Variants in RAB38 observed in about 807,000 individuals in gnomAD.
RAB38 encodes ras-related protein Rab-38.
In RAB38, 15 loss-of-function variants were observed where a neutral mutation model predicts 18.4. That is an observed-to-expected ratio of 0.82 (90% CI 0.55 to 1.26). The LOEUF is 1.26. Among genes scored for constraint, RAB38 ranks in the 50% most tolerant of loss-of-function variants. The pLI, the probability that RAB38 is intolerant of heterozygous loss-of-function variation, is 0.00. For synonymous variants in RAB38, 101 were observed against 104.4 expected (o/e 0.97, Z 0.20); for missense variants, 294 against 267.4 (o/e 1.10, Z -0.69).
At chr11:88,025,814 C>T in the RAB38 span, among the ~76,000 whole-genome samples, 1 of 152,036 alleles carries the variant, frequency 6.6e-6, no homozygotes, top group Non-Finnish European at 1.5e-5. Context: ...TTTTCCCATT[C>T]TGTAGGCTGT....
At chr11:88,004,189 A>T in the RAB38 span, among the ~76,000 whole-genome samples, 1 of 149,716 alleles carries the variant, frequency 6.7e-6, no homozygotes, top group Non-Finnish European at 1.5e-5. Flanking sequence ...TCCTTCATGA[A>T]TACAGATGAA....
the RAB38 span, among the ~76,000 whole-genome samples, chr11:88,046,068 C>G: frequency 1.3e-5 from 2 of 152,120 alleles, no homozygotes; most frequent in Non-Finnish European, 2.9e-5. Flanking sequence ...ATCTCCCCAC[C>G]TTAACCCACA....
chr11:88,016,027 C>T, the RAB38 span, among the ~76,000 whole-genome samples: 2 of 152,114 alleles, frequency 1.3e-5, no homozygotes, highest in African/African-American at 4.8e-5. Flanking sequence ...TGTGCAATCT[C>T]CATATAGAAA....
chr11:88,071,272 G>T, the RAB38 span, among the ~76,000 whole-genome samples: 7 of 121,934 alleles, frequency 5.7e-5, no homozygotes, highest in Admixed American at 7.9e-5. Context: ...ACACACACAC[G>T]TGTGCAAGCA....
At chr11:87,857,484 T>G in the RAB38 span, among the ~76,000 whole-genome samples, 1 of 152,178 alleles carries the variant, frequency 6.6e-6, no homozygotes, top group African/African-American at 2.4e-5. Flanking sequence ...CCACCAACAG[T>G]GTAAAAGTGT....
the RAB38 span, among the ~76,000 whole-genome samples, chr11:87,852,813 C>T: frequency 6.6e-6 from 1 of 152,170 alleles, no homozygotes; most frequent in African/African-American, 2.4e-5. Context: ...CTTCTCCTGC[C>T]CTCATCTTTT....
At chr11:87,868,796 G>C in the RAB38 span, among the ~76,000 whole-genome samples, 1 of 151,602 alleles carries the variant, frequency 6.6e-6, no homozygotes, top group African/African-American at 2.4e-5. Flanking sequence ...TCTGGCTGGT[G>C]TACCATCCCA....
chr11:88,052,926 A>AAAT, the RAB38 span, among the ~76,000 whole-genome samples: 1 of 24,614 alleles, frequency 4.1e-5, no homozygotes, highest in African/African-American at 2.5e-4. Context: ...ATATATATAT[A>AAAT]TATATATATA....
At chr11:87,850,492 G>T in the RAB38 span, among the ~76,000 whole-genome samples, 1 of 151,998 alleles carries the variant, frequency 6.6e-6, no homozygotes, top group Non-Finnish European at 1.5e-5. Context: ...GCACGCGCAT[G>T]CACTCTTATG....
At chr11:87,853,087 T>C in the RAB38 span, among the ~76,000 whole-genome samples, 4 of 152,142 alleles carry the variant, frequency 2.6e-5, no homozygotes, top group Non-Finnish European at 5.9e-5. Context: ...ATATCACAGA[T>C]GGAGTAGAAT....
At position 88,139,618 on chromosome 11, in the gene RAB38, T is replaced by C. The variant is rs79841061; in HGVS notation, c.483+10057A>G. Among the ~76,000 whole-genome samples the C allele has an allele frequency of 4.5e-3, 690 of 152,290 alleles. 2 individuals are homozygous for C. Among genetic ancestry groups the C allele is most frequent in the African/African-American group, 0.016 (657 of 41,564 alleles). ...CTTGGAGAATGAATAAATGAACGAA[T>C]AAATGAGTTAACAAATTCCAACACA... On this transcript the variant is annotated intron_variant, in intron 2 of 2. Coordinates refer to ENST00000243662, the MANE Select transcript of RAB38 (RefSeq NM_022337.3).
chr11:87,917,766 A>G, the RAB38 span, among the ~76,000 whole-genome samples: 1 of 152,040 alleles, frequency 6.6e-6, no homozygotes, highest in Non-Finnish European at 1.5e-5. Context: ...CCCTCATAGC[A>G]AAGGGATCCT....
At chr11:87,910,571 C>T in the RAB38 span, among the ~76,000 whole-genome samples, 1 of 148,920 alleles carries the variant, frequency 6.7e-6, no homozygotes, top group African/African-American at 2.5e-5. Context: ...ATGTTTACGT[C>T]TAGAAGTTAT....
the RAB38 span, among the ~76,000 whole-genome samples, chr11:87,865,511 G>A: frequency 6.6e-6 from 1 of 151,676 alleles, no homozygotes; most frequent in African/African-American, 2.4e-5. Context: ...CCTCCCTAGA[G>A]TCTCCCATAG....
chr11:87,860,690 A>G, the RAB38 span, among the ~76,000 whole-genome samples: 3 of 152,142 alleles, frequency 2.0e-5, no homozygotes, highest in East Asian at 5.8e-4. Context: ...CTAGGGAAAT[A>G]ATACAAATGA....
At chr11:87,940,746 T>C in the RAB38 span, among the ~76,000 whole-genome samples, 1 of 152,014 alleles carries the variant, frequency 6.6e-6, no homozygotes, top group African/African-American at 2.4e-5. Context: ...TGGGATCAAC[T>C]GATTATCCTG....
At chr11:88,052,833 T>A in the RAB38 span, among the ~76,000 whole-genome samples, 6 of 143,668 alleles carry the variant, frequency 4.2e-5, no homozygotes, top group Non-Finnish European at 7.5e-5. Context: ...AAATAAAAAG[T>A]GGGGTGGAGG....
At chr11:88,109,183 C>T (rs1482250599), downstream of RAB38, among the ~76,000 whole-genome samples, 1 of 152,110 alleles carries the variant, frequency 6.6e-6, no homozygotes, top group African/African-American at 2.4e-5. Flanking sequence ...GGTACCAAAA[C>T]AGATATATAG....
intron 1 of RAB38, among the ~76,000 whole-genome samples, chr11:88,159,339 T>C (rs1943162003): frequency 6.7e-6 from 1 of 148,224 alleles, no homozygotes; most frequent in Non-Finnish European, 1.5e-5. Flanking sequence ...ATAGATGATA[T>C]AAACAAAGAA....
Sources: gnomAD v4.1 joint callset for allele counts (sites outside exome capture counted in the v4.1 genomes callset) on GRCh38, gnomAD v4.1.1 for gene constraint, MANE v1.5 for transcripts, NCBI Gene and HGNC (gene_info 2026-07-23, HGNC 2026-07-21) for gene names.